The following HLCS variants were observed in gnomAD, a reference collection of about 807,000 sequenced individuals.
HLCS encodes the protein holocarboxylase synthetase.
A neutral mutation model predicts 75.0 loss-of-function variants in HLCS; 53 were observed. The ratio of observed to expected loss-of-function variants is 0.71; its 90% confidence interval spans 0.57 to 0.89. The LOEUF is 0.89. HLCS is among the 40% of genes least tolerant of loss of function. The pLI, the probability that HLCS is intolerant of heterozygous loss-of-function variation, is 0.00. For synonymous variants in HLCS, 431 were observed against 428.6 expected, an observed-to-expected ratio of 1.01 and a Z score of -0.07; for missense variants, 966 against 1,074.0, an observed-to-expected ratio of 0.90 and a Z score of 1.41.
chr21:36,836,925 C>T (rs1292386384), intron 6 of HLCS, among the ~76,000 whole-genome samples: 3 of 152,108 alleles, frequency 2.0e-5, no homozygotes, highest in Non-Finnish European at 4.4e-5. Flanking sequence ...TGGTTCACGC[C>T]TGTAATCCAG....
chr21:36,777,274 TG>T (rs1162242645), intron 6 of HLCS, among the ~76,000 whole-genome samples: 2 of 152,198 alleles, frequency 1.3e-5, no homozygotes, highest in Non-Finnish European at 2.9e-5. Context: ...CCGAACCCTT[TG>T]GCAACCACCG....
chr21:36,783,756 C>T (rs1037720074), intron 6 of HLCS, among the ~76,000 whole-genome samples: 2 of 152,130 alleles, frequency 1.3e-5, no homozygotes, highest in East Asian at 3.9e-4. Flanking sequence ...CACCATGAAG[C>T]ATAGCAAGGG....
intron 5 of HLCS, among the ~76,000 whole-genome samples, chr21:36,928,622 T>C (rs1206842840): frequency 6.6e-6 from 1 of 152,148 alleles, no homozygotes; most frequent in Non-Finnish European, 1.5e-5. Context: ...ATACACGTAC[T>C]CATTCCATTC....
intron 6 of HLCS, among the ~76,000 whole-genome samples, chr21:36,892,356 G>A (rs939703598): frequency 3.3e-5 from 5 of 152,078 alleles, no homozygotes; most frequent in African/African-American, 9.7e-5. Context: ...GCCAGACAGC[G>A]ACAAGGAAAC....
At chr21:36,796,361 G>A (rs1167644053) in intron 6 of HLCS, among the ~76,000 whole-genome samples, 3 of 152,150 alleles carry the variant, frequency 2.0e-5, no homozygotes, top group Non-Finnish European at 4.4e-5. Flanking sequence ...ATGATTTTCT[G>A]AATAGATGCA....
chr21:36,966,487 C>A lies in HLCS; in HGVS notation c.152G>T (p.Cys51Phe), dbSNP rs2068592137. 3 of 982,450 alleles carry A rather than the reference C, an allele frequency of 3.1e-6. No individual in the cohort carries two copies. Among genetic ancestry groups the A allele is most frequent in the Non-Finnish European group, 2.4e-6 (2 of 830,260 alleles). The allele number at this position is 982,450 out of a possible 1,614,324, so 60.9% of individuals were successfully genotyped here. A position where few individuals can be genotyped will look rare whatever the true frequency, so the allele number is the denominator to read the frequency against. ...AAAQPPGARV[C>F]LSRGGRVFCV... is the part of the protein sequence containing the mutation. ...GAAGACGCGGCCGCCACGGCTCAGG[C>A]ACACGCGGGCGCCCGGGGGCTGCGC... Residue 51 changes from cysteine (C) to phenylalanine (F), a missense_variant, in exon 1 of 11, where the codon TGC becomes TTC. By Grantham distance (205) the Cys-to-Phe change is radical (BLOSUM62 -2). Coordinates refer to ENST00000674895, the MANE Select transcript of HLCS (RefSeq NM_001352514.2).
At chr21:36,811,431 C>A (rs575336068) in intron 6 of HLCS, among the ~76,000 whole-genome samples, 1 of 152,190 alleles carries the variant, frequency 6.6e-6, no homozygotes, top group African/African-American at 2.4e-5. Context: ...GCCAGGGAGG[C>A]GGACACCTCT....
At chr21:36,981,389 A>ACCTTCCTT (rs1410167529) in intron 1 of HLCS, among the ~76,000 whole-genome samples, 2 of 135,744 alleles carry the variant, frequency 1.5e-5, no homozygotes, top group African/African-American at 2.9e-5. Context: ...TTAACTCTTA[A>ACCTTCCTT]CCTTCCTTTT....
At chr21:36,778,692 CTTA>C (rs2060439729) in intron 6 of HLCS, among the ~76,000 whole-genome samples, 2 of 152,258 alleles carry the variant, frequency 1.3e-5, no homozygotes, top group Middle Eastern at 3.4e-3. Flanking sequence ...CTCCCCTCCA[CTTA>C]TTATTTATCT....
At chr21:36,769,967 A>G (rs972899470) in intron 6 of HLCS, among the ~76,000 whole-genome samples, 1 of 152,228 alleles carries the variant, frequency 6.6e-6, no homozygotes, top group African/African-American at 2.4e-5. Context: ...TAAAGGTAAA[A>G]ATATGGAAAC....
chr21:36,806,953 CT>C (rs1226174897), intron 6 of HLCS, among the ~76,000 whole-genome samples: 1 of 152,210 alleles, frequency 6.6e-6, no homozygotes, highest in Non-Finnish European at 1.5e-5. Context: ...CCTTCCCAAC[CT>C]CATCTGTAGT....
At chr21:36,867,642 T>C (rs1358736358) in intron 6 of HLCS, among the ~76,000 whole-genome samples, 3 of 152,132 alleles carry the variant, frequency 2.0e-5, no homozygotes, top group Non-Finnish European at 4.4e-5. Flanking sequence ...ACCTAGAAAG[T>C]CACATGTTAA....
At chr21:36,870,705 T>A (rs1019409825) in intron 6 of HLCS, among the ~76,000 whole-genome samples, 1 of 152,138 alleles carries the variant, frequency 6.6e-6, no homozygotes, top group Non-Finnish European at 1.5e-5. Flanking sequence ...AGGAAAAATA[T>A]CTTAAGGACT....
At chr21:36,767,867 C>T (rs2090095690) in intron 6 of HLCS, among the ~76,000 whole-genome samples, 1 of 152,174 alleles carries the variant, frequency 6.6e-6, no homozygotes, top group Admixed American at 6.5e-5. Flanking sequence ...AACTCTGCAT[C>T]GTTTTCGGCT....
intron 5 of HLCS, among the ~76,000 whole-genome samples, chr21:36,920,668 A>AT (rs1190384231): frequency 6.6e-6 from 1 of 152,146 alleles, no homozygotes; most frequent in Non-Finnish European, 1.5e-5. Context: ...TTAAATTAAA[A>AT]TTAAAAAAAA....
chr21:36,961,852 G>A (rs764474216), intron 2 of HLCS, among the ~76,000 whole-genome samples, 184 bp downstream of exon 2: 5 of 151,476 alleles, frequency 3.3e-5, no homozygotes, highest in Non-Finnish European at 7.4e-5. Flanking sequence ...TACTCTGGAG[G>A]CTGAGGCATG....
intron 6 of HLCS, among the ~76,000 whole-genome samples, chr21:36,823,608 A>AC (rs1555901719): frequency 1.1e-4 from 8 of 75,904 alleles, no homozygotes; most frequent in African/African-American, 6.3e-4. Flanking sequence ...TCAAACGTGC[A>AC]GGGTGTGTGT....
intron 6 of HLCS, among the ~76,000 whole-genome samples, chr21:36,832,092 T>A (rs975112098): frequency 6.6e-6 from 1 of 152,138 alleles, no homozygotes; most frequent in South Asian, 2.1e-4. Context: ...GGCATTTAGG[T>A]TCAATTAGAT....
chr21:36,936,607 C>T lies in HLCS; in HGVS notation c.1279G>A (p.Val427Met). 1.2e-6 allele frequency: 2 copies of T among 1,614,258 alleles called. No individual in the cohort carries two copies. The change falls in exon 4 of 11, where the codon GTG (valine) becomes ATG (methionine). Residue 427 changes from valine (V) to methionine (M), a missense_variant. Coordinates refer to ENST00000674895, the MANE Select transcript of HLCS (RefSeq NM_001352514.2). Reference protein sequence around the residue: ...LVFSKADQSEVKLSVLSSGCR... With the variant: ...LVFSKADQSEMKLSVLSSGCR... ...CCACTGCTCAAGACGCTGAGCTTCACCTCGCTCTGGTCAGCCTTGGAGAAA... is the reference window on the plus strand; with the variant it reads ...CCACTGCTCAAGACGCTGAGCTTCATCTCGCTCTGGTCAGCCTTGGAGAAA...
Sources: allele counts gnomAD v4.1 joint callset (sites outside exome capture counted in the v4.1 genomes callset), GRCh38; gene constraint gnomAD v4.1.1; transcripts MANE v1.5; gene names NCBI Gene and HGNC (gene_info 2026-07-23, HGNC 2026-07-21).